The following INSL6 variants were observed in gnomAD, a reference collection of about 807,000 sequenced individuals.
The protein encoded by INSL6 is insulin-like peptide INSL6.
Under a neutral mutation model 9.4 loss-of-function variants are expected in INSL6, and 16 were observed. That is an observed-to-expected ratio of 1.70 (90% CI 1.15 to 2.59). The LOEUF (loss-of-function observed/expected upper bound fraction) is 2.59. INSL6 is among the 30% of genes most tolerant of loss of function. The probability of loss-of-function intolerance (pLI) is 0.00; values close to 1 mark genes in which losing one functional copy is unlikely to be tolerated. For missense variants in INSL6, 391 were observed against 257.3 expected (o/e 1.52, Z -3.56); for synonymous variants, 154 against 96.9 (o/e 1.59, Z -3.46).
chr9:5,125,018 T>C (rs549098668), intron 3 of INSL6, among the ~76,000 whole-genome samples: 203 of 151,586 alleles, frequency 1.3e-3, no homozygotes, highest in Non-Finnish European at 2.5e-3. Flanking sequence ...AGCTAATTCA[T>C]TCTAGGAATT....
chr9:5,122,854 AG>A (rs3837256), downstream of INSL6: 105,883 of 454,714 alleles, frequency 0.23, 12,990 homozygotes, highest in African/African-American at 0.29. Context: ...CCAGGCAAAA[AG>A]GCCCTTTTAA....
intron 2 of INSL6, among the ~76,000 whole-genome samples, chr9:5,153,311 C>T (rs572899158): frequency 1.3e-4 from 20 of 152,278 alleles, no homozygotes; most frequent in Admixed American, 2.6e-4. Flanking sequence ...CTCGTGCCAG[C>T]ACAGCAGTCT....
At chr9:5,101,498 C>A in the INSL6 span, among the ~76,000 whole-genome samples, 2 of 152,376 alleles carry the variant, frequency 1.3e-5, no homozygotes, top group South Asian at 2.1e-4. Flanking sequence ...ACTTAAACGT[C>A]CCTGTCTGAC....
the INSL6 span, among the ~76,000 whole-genome samples, chr9:5,060,374 A>C: frequency 6.6e-6 from 1 of 152,142 alleles, no homozygotes; most frequent in Admixed American, 6.5e-5. Flanking sequence ...GTTTGGTAAC[A>C]TTTTACCCAC....
chr9:5,009,431 T>A, the INSL6 span, among the ~76,000 whole-genome samples: 1 of 152,052 alleles, frequency 6.6e-6, no homozygotes, highest in Admixed American at 6.6e-5. Context: ...TCATTACTAG[T>A]CAGGATTTTT....
At chr9:5,152,867 C>G (rs1449463496) in intron 2 of INSL6, among the ~76,000 whole-genome samples, 2 of 152,164 alleles carry the variant, frequency 1.3e-5, no homozygotes, top group East Asian at 3.9e-4. Flanking sequence ...CTCATTGGGA[C>G]TGGTTAGAGA....
chr9:5,112,004 G>A, the INSL6 span: 72 of 382,406 alleles, frequency 1.9e-4, 6 homozygotes, highest in South Asian at 1.2e-3. Flanking sequence ...GAGGGACGTC[G>A]CACTAGCCTG....
intron 1 of INSL6, among the ~76,000 whole-genome samples, chr9:5,184,644 A>G (rs560281036): frequency 1.3e-5 from 2 of 152,330 alleles, no homozygotes; most frequent in South Asian, 4.1e-4. Context: ...CAGGCCTTGC[A>G]TTTGGTTTAA....
chr9:5,118,424 C>T, the INSL6 span, among the ~76,000 whole-genome samples: 1 of 152,060 alleles, frequency 6.6e-6, no homozygotes, highest in African/African-American at 2.4e-5. Flanking sequence ...TTCCTGTGAC[C>T]AACAAACTTG....
chr9:5,107,237 T>G, the INSL6 span, among the ~76,000 whole-genome samples: 1 of 152,134 alleles, frequency 6.6e-6, no homozygotes, highest in African/African-American at 2.4e-5. Flanking sequence ...AACCTGACAC[T>G]AGCCTTAGTA....
intron 1 of INSL6, among the ~76,000 whole-genome samples, chr9:5,168,174 A>C (rs1381109019): frequency 6.6e-6 from 1 of 152,206 alleles, no homozygotes; most frequent in African/African-American, 2.4e-5. Context: ...CTCTTCTCCA[A>C]ATGATCGTAA....
chr9:5,087,742 C>CTA, the INSL6 span, among the ~76,000 whole-genome samples: 2 of 152,128 alleles, frequency 1.3e-5, no homozygotes, highest in Non-Finnish European at 2.9e-5. Flanking sequence ...CAGACAGCTT[C>CTA]TAATGCAGTG....
chr9:5,047,192 C>G, the INSL6 span, among the ~76,000 whole-genome samples: 1 of 152,038 alleles, frequency 6.6e-6, no homozygotes, highest in African/African-American at 2.4e-5. Flanking sequence ...GTACTGTTAT[C>G]ATTTTATATT....
chr9:5,078,229 T>A, the INSL6 span: 244 of 1,214,128 alleles, frequency 2.0e-4, no homozygotes, highest in Non-Finnish European at 2.4e-4. Flanking sequence ...TTAAATCTGT[T>A]TTGGGGGCTT....
the INSL6 span, among the ~76,000 whole-genome samples, chr9:5,045,922 A>G: frequency 6.6e-6 from 1 of 152,108 alleles, no homozygotes; most frequent in African/African-American, 2.4e-5. Flanking sequence ...GAATCGCTGG[A>G]TCATATGGTA....
At chr9:5,091,104 T>A in the INSL6 span, 2 of 453,250 alleles carry the variant, frequency 4.4e-6, no homozygotes, top group Non-Finnish European at 3.9e-6. Context: ...TGGCATATGC[T>A]TTATTTCTAT....
At chr9:5,111,365 C>T in the INSL6 span, 1 of 409,968 alleles carries the variant, frequency 2.4e-6, no homozygotes, top group Non-Finnish European at 4.7e-6. Context: ...ACTACCCCTC[C>T]TACGCCAGCA....
At chr9:5,033,065 C>T in the INSL6 span, among the ~76,000 whole-genome samples, 2 of 152,124 alleles carry the variant, frequency 1.3e-5, no homozygotes, top group Non-Finnish European at 2.9e-5. Context: ...CCTGATGGAG[C>T]TGAAAACCAA....
At chr9:5,032,526 C>A in the INSL6 span, among the ~76,000 whole-genome samples, 1 of 152,178 alleles carries the variant, frequency 6.6e-6, no homozygotes, top group African/African-American at 2.4e-5. Flanking sequence ...CTCACATGGC[C>A]GGGTACTCCT....
Sources: gnomAD v4.1 joint callset for allele counts (sites outside exome capture counted in the v4.1 genomes callset) on GRCh38, gnomAD v4.1.1 for gene constraint, MANE v1.5 for transcripts, NCBI Gene and HGNC (gene_info 2026-07-23, HGNC 2026-07-21) for gene names.